Variants in ZNF131 observed in about 807,000 individuals in gnomAD.
ZNF131 encodes the protein zinc finger protein 131.
Under a neutral mutation model 60.0 loss-of-function variants are expected in ZNF131, and 7 were observed. The ratio of observed to expected loss-of-function variants is 0.12; its 90% CI spans 0.07 to 0.22. The LOEUF is 0.22. Ranked by LOEUF, ZNF131 falls within the 10% of genes least tolerant of loss-of-function variation. The probability of loss-of-function intolerance (pLI) is 1.00; values close to 1 mark genes in which losing one functional copy is unlikely to be tolerated. For synonymous variants in ZNF131, 257 were observed against 253.2 expected, an observed-to-expected ratio of 1.01 and a Z score of -0.14; for missense variants, 493 against 740.9, an observed-to-expected ratio of 0.67 and a Z score of 3.88.
chr5:43,145,370 G>C (rs1407216068), intron 4 of ZNF131, among the ~76,000 whole-genome samples: 1 of 152,012 alleles, frequency 6.6e-6, no homozygotes, highest in Non-Finnish European at 1.5e-5. Context: ...AGTAGTTTAC[G>C]GCCTGGGTGC....
At chr5:43,171,691 C>T (rs1232278343) in intron 5 of ZNF131, among the ~76,000 whole-genome samples, 1 of 152,172 alleles carries the variant, frequency 6.6e-6, no homozygotes, top group Non-Finnish European at 1.5e-5. Context: ...GGTGTGATCT[C>T]AGCCTACTGC....
chr5:43,148,686 C>T (rs1389427189), intron 4 of ZNF131, among the ~76,000 whole-genome samples: 1 of 152,138 alleles, frequency 6.6e-6, no homozygotes, highest in South Asian at 2.1e-4. Flanking sequence ...CTGACTCTTG[C>T]TTTAGTCATT....
At chr5:43,163,792 A>G (rs1750038651) in intron 5 of ZNF131, among the ~76,000 whole-genome samples, 1 of 152,232 alleles carries the variant, frequency 6.6e-6, no homozygotes, top group Admixed American at 6.5e-5. Flanking sequence ...TACAACATAG[A>G]TAGCCTACAG....
intron 3 of ZNF131, among the ~76,000 whole-genome samples, chr5:43,132,367 T>G (rs1196048678): frequency 6.6e-6 from 1 of 152,204 alleles, no homozygotes; most frequent in East Asian, 1.9e-4. Context: ...TTTATGGTGT[T>G]TCTCAATATT....
At chr5:43,150,485 T>A (rs1260020914) in intron 4 of ZNF131, among the ~76,000 whole-genome samples, 1 of 152,188 alleles carries the variant, frequency 6.6e-6, no homozygotes, top group Non-Finnish European at 1.5e-5. Context: ...CTCTGATTAA[T>A]CTGACCGTAG....
chr5:43,160,869 C>T lies in ZNF131; in HGVS notation c.372-380C>T, dbSNP rs1185258547. Among the ~76,000 whole-genome samples, 7 of 151,804 alleles carry T rather than the reference C, an allele frequency of 4.6e-5. No homozygotes were observed. In the East Asian group the frequency reaches 1.4e-3, roughly 29 times the overall value. On this transcript the variant is annotated intron_variant, in intron 4 of 6. Coordinates refer to ENST00000682664, the MANE Select transcript of ZNF131 (RefSeq NM_001330707.2). ...GCTAATTTTGTATTTTTAGTAGAGACGAGATTTCCCCATGTTAGTCAGGCT... is the reference window on the plus strand; with the variant it reads ...GCTAATTTTGTATTTTTAGTAGAGATGAGATTTCCCCATGTTAGTCAGGCT...
chr5:43,146,763 G>C (rs930915272), intron 4 of ZNF131, among the ~76,000 whole-genome samples: 46 of 151,962 alleles, frequency 3.0e-4, no homozygotes, highest in African/African-American at 1.1e-3. Flanking sequence ...AAAATTAGCC[G>C]GACATGGTGG....
At position 43,174,686 on chromosome 5, in the gene ZNF131, T is replaced by G. The variant is rs1751383102; in HGVS notation, c.1425T>G (p.Val475=). 1.9e-6 allele frequency: 3 copies of G among 1,614,186 alleles called. No individual in the cohort carries two copies. The highest frequency in any genetic ancestry group is 2.7e-5 in the African/African-American group (2 of 75,052). Residue 475 remains valine (V), a synonymous_variant, in exon 7 of 7, where the codon GTT becomes GTG. Transcript: ENST00000682664. ...PVTSMTIIEQ[V]GKVHVLPLLQ... ...CATCAATGACTATTATAGAACAAGT[T>G]GGGAAGGTGCATGTGCTACCATTGC...
intron 3 of ZNF131, among the ~76,000 whole-genome samples, chr5:43,128,671 A>AAAAAC (rs1315882163): frequency 1.3e-5 from 2 of 151,270 alleles, no homozygotes; most frequent in Admixed American, 1.3e-4. Flanking sequence ...AAAAAAAAAA[A>AAAAAC]AAAAAACACA....
intron 3 of ZNF131, among the ~76,000 whole-genome samples, chr5:43,138,424 G>A (rs528295393): frequency 1.3e-5 from 2 of 152,012 alleles, no homozygotes; most frequent in East Asian, 1.9e-4. Flanking sequence ...GAGGCTGATC[G>A]GGCAGATCAC....
chr5:43,164,325 G>T (rs998427401), intron 5 of ZNF131, among the ~76,000 whole-genome samples: 1 of 152,106 alleles, frequency 6.6e-6, no homozygotes, highest in Admixed American at 6.6e-5. Context: ...CCAATCCCCC[G>T]CATATACCAA....
chr5:43,122,796 G>A (rs998320094), intron 2 of ZNF131, among the ~76,000 whole-genome samples: 1 of 152,188 alleles, frequency 6.6e-6, no homozygotes, highest in African/African-American at 2.4e-5. Context: ...ATATTAAAAT[G>A]TTTTTCATAG....
intron 4 of ZNF131, among the ~76,000 whole-genome samples, chr5:43,150,877 A>G (rs1748220249): frequency 6.6e-6 from 1 of 152,228 alleles, no homozygotes. Context: ...AACTTCAAGC[A>G]GCAGGATTTG....
intron 5 of ZNF131, among the ~76,000 whole-genome samples, chr5:43,172,018 G>A (rs1035720779): frequency 7.2e-5 from 11 of 152,244 alleles, no homozygotes; most frequent in Admixed American, 6.5e-5. Flanking sequence ...GTGCTGCTGG[G>A]ATTACAGGCA....
chr5:43,136,781 C>T (rs1746174222), intron 3 of ZNF131, among the ~76,000 whole-genome samples: 1 of 151,466 alleles, frequency 6.6e-6, no homozygotes, highest in Non-Finnish European at 1.5e-5. Flanking sequence ...GCCACTGCAC[C>T]CAGCTGACAT....
chr5:43,144,158 G>A (rs1371332831), intron 4 of ZNF131, among the ~76,000 whole-genome samples: 3 of 148,572 alleles, frequency 2.0e-5, no homozygotes, highest in Non-Finnish European at 4.4e-5. Flanking sequence ...TCCTGACCTC[G>A]TGATCCACTT....
intron 3 of ZNF131, among the ~76,000 whole-genome samples, chr5:43,130,108 A>T (rs1745106308): frequency 6.6e-6 from 1 of 151,532 alleles, no homozygotes; most frequent in Admixed American, 6.6e-5. Context: ...TACTGAAAAT[A>T]CAAAAATTAG....
rs1664320560 is a variant in ZNF131 at position 43,121,630 on chromosome 5, CGA to C, written c.-15-405_-15-404del. 1.9e-5 allele frequency: 3 copies of C among 154,544 alleles called. No homozygotes were observed. In the South Asian group the frequency reaches 5.4e-4, roughly 28 times the overall value. The allele number at this position is 154,544 out of a possible 1,614,324, so 9.6% of individuals were successfully genotyped here. On this transcript the variant is annotated intron_variant, in intron 1 of 6. Transcript: ENST00000682664. ...GAGGGCGGGGGAGGGAGAGGCGACC[CGA>C]GAGTCGTTGTGGGTCGCGGGCCGGA...
chr5:43,127,417 A>G (rs1744692070), intron 3 of ZNF131, among the ~76,000 whole-genome samples: 3 of 152,228 alleles, frequency 2.0e-5, no homozygotes, highest in Admixed American at 6.5e-5. Flanking sequence ...GAAACTTGTT[A>G]GAAATGTAGA....
Sources: allele counts gnomAD v4.1 joint callset (sites outside exome capture counted in the v4.1 genomes callset), GRCh38; gene constraint gnomAD v4.1.1; transcripts MANE v1.5; gene names NCBI Gene and HGNC (gene_info 2026-07-23, HGNC 2026-07-21).